Variants in ARHGAP21 observed in about 807,000 individuals in gnomAD.
The protein encoded by ARHGAP21 is rho GTPase-activating protein 21.
ARHGAP21 carries 38 observed loss-of-function variants against 164.6 expected under a neutral mutation model. That is an observed-to-expected ratio of 0.23 (90% CI 0.18 to 0.30). ARHGAP21 has a LOEUF of 0.30. Among genes scored for constraint, ARHGAP21 ranks in the 10% least tolerant of loss-of-function variants. The pLI is 1.00. For missense variants in ARHGAP21, 1,822 were observed against 2,370.7 expected (o/e 0.77, Z 4.81); for synonymous variants, 766 against 857.9 (o/e 0.89, Z 1.87).
intron 2 of ARHGAP21, among the ~76,000 whole-genome samples, chr10:24,708,128 A>G (rs1182790047): frequency 1.3e-5 from 2 of 152,216 alleles, no homozygotes; most frequent in African/African-American, 2.4e-5. Flanking sequence ...AAGGCTAAAT[A>G]TAAAGATCAA....
chr10:24,639,875 T>C (rs1260440555), intron 4 of ARHGAP21, among the ~76,000 whole-genome samples: 1 of 151,674 alleles, frequency 6.6e-6, no homozygotes, highest in Non-Finnish European at 1.5e-5. Flanking sequence ...CTAAATTATT[T>C]GAAATTTTTA....
intron 2 of ARHGAP21, among the ~76,000 whole-genome samples, chr10:24,688,269 G>A (rs770655564): frequency 2.0e-5 from 3 of 152,082 alleles, no homozygotes; most frequent in Non-Finnish European, 4.4e-5. Context: ...CGTGCCATCT[G>A]TAATCCCAGG....
chr10:24,591,104 TAGAA>T, intron 24 of ARHGAP21, 117 bp downstream of exon 24: 1 of 1,031,900 alleles, frequency 9.7e-7, no homozygotes, highest in Non-Finnish European at 1.4e-6. Context: ...TTTTTATTAG[TAGAA>T]AGGAAGAGAA....
chr10:24,596,300 TAA>T, intron 17 of ARHGAP21: 1 of 442,300 alleles, frequency 2.3e-6, no homozygotes, highest in Non-Finnish European at 3.9e-6. Flanking sequence ...TAACAACAGG[TAA>T]AGAGAATGTG....
intron 2 of ARHGAP21, among the ~76,000 whole-genome samples, chr10:24,704,483 T>A (rs2132159070): frequency 6.6e-6 from 1 of 151,488 alleles, no homozygotes; most frequent in Admixed American, 6.6e-5. Flanking sequence ...TTTTCTTTTT[T>A]GAGACAGAGT....
chr10:24,637,219 C>T (rs1034645919), intron 4 of ARHGAP21, among the ~76,000 whole-genome samples: 5 of 152,204 alleles, frequency 3.3e-5, no homozygotes, highest in Admixed American at 3.3e-4. Context: ...CTGCTGTATT[C>T]AAGTAGACAG....
chr10:24,722,537 T>C (rs1359133692), intron 1 of ARHGAP21: 1 of 154,120 alleles, frequency 6.5e-6, no homozygotes, highest in Non-Finnish European at 1.4e-5. Flanking sequence ...AAGTGCATTT[T>C]AATTCATGTC....
chr10:24,641,353 T>A (rs1352743506), intron 4 of ARHGAP21, among the ~76,000 whole-genome samples: 1 of 152,218 alleles, frequency 6.6e-6, no homozygotes, highest in East Asian at 1.9e-4. Flanking sequence ...TTATTAAATT[T>A]AGGTGTTCCC....
chr10:24,701,671 A>C (rs1268396291), intron 2 of ARHGAP21, among the ~76,000 whole-genome samples: 2 of 152,172 alleles, frequency 1.3e-5, no homozygotes, highest in Non-Finnish European at 2.9e-5. Context: ...AAGGAAGTAG[A>C]AACAGGGTAC....
chr10:24,717,704 G>T (rs1467216272), intron 2 of ARHGAP21, among the ~76,000 whole-genome samples: 1 of 152,148 alleles, frequency 6.6e-6, no homozygotes, highest in Admixed American at 6.5e-5. Context: ...AGACTTCACA[G>T]AGGTCTGAAT....
At chr10:24,591,353 T>C (rs1475248018) in intron 23 of ARHGAP21, 23 bp from the exon 24 acceptor site, 2 of 1,546,924 alleles carry the variant, frequency 1.3e-6, no homozygotes, top group Non-Finnish European at 1.8e-6. Context: ...AACAAAGATC[T>C]CTTCATCATC....
At chr10:24,590,838 C>T in intron 24 of ARHGAP21, 1 of 982,128 alleles carries the variant, frequency 1.0e-6, no homozygotes, top group Non-Finnish European at 1.2e-6. Flanking sequence ...ATAAGAACTA[C>T]TTATACAGCC....
At chr10:24,680,127 T>A (rs1841630797) in intron 2 of ARHGAP21, among the ~76,000 whole-genome samples, 1 of 152,242 alleles carries the variant, frequency 6.6e-6, no homozygotes, top group African/African-American at 2.4e-5. Flanking sequence ...TATCCAAGAT[T>A]GTGGCTGGTT....
At chr10:24,689,926 ATG>A (rs1842595307) in intron 2 of ARHGAP21, among the ~76,000 whole-genome samples, 1 of 37,152 alleles carries the variant, frequency 2.7e-5, no homozygotes, top group Non-Finnish European at 6.2e-5. Flanking sequence ...ATGTATATGT[ATG>A]TATATGTATA....
chr10:24,587,734 G>A (rs61854257), intron 25 of ARHGAP21, among the ~76,000 whole-genome samples: 80,739 of 152,040 alleles, frequency 0.53, 21,619 homozygotes, highest in Middle Eastern at 0.57. Flanking sequence ...AAACATCTCA[G>A]TTCCGTGGCG....
rs888868270 is a variant in ARHGAP21, at chr10:24,586,199, T to A, written c.4183-93A>T. 1.0e-5 allele frequency: 14 copies of A among 1,393,392 alleles called. No individual in the cohort carries two copies. The Admixed American group carries it at 2.7e-4, about 27-fold the overall frequency. 86.3% of individuals were successfully genotyped at this position (1,393,392 alleles called of 1,614,324 possible). On this transcript the variant is annotated intron_variant, in intron 25 of 25. Transcript: ENST00000396432. The stretch of plus-strand genomic sequence containing the variant: ...TGTCTCCCAAATATTTCTTATCAAA[T>A]TATATCTACTAAAGCTCTGGAAGCA...
In ARHGAP21 at chr10:24,621,121, T is replaced by C. The variant is rs142335031; in HGVS notation, c.774A>G (p.Ala258=). ...IQVPPSPTDV[A]KSNTAVCVCN... is the part of the protein sequence containing the mutation. Reference sequence around the variant, plus strand: ...AAACACACACTGCTGTGTTTGATTTTGCAACATCTGTTGGTGATGGAGGCA... The same window carrying C: ...AAACACACACTGCTGTGTTTGATTTCGCAACATCTGTTGGTGATGGAGGCA... The change falls in exon 9 of 26, where the codon GCA becomes GCG. Residue 258 remains alanine (A), a synonymous_variant. Coordinates refer to ENST00000396432, the MANE Select transcript of ARHGAP21 (RefSeq NM_020824.4). 18 of 1,613,652 alleles carry C rather than the reference T, an allele frequency of 1.1e-5. No homozygotes were observed. The highest frequency in any genetic ancestry group is 1.3e-5 in the African/African-American group (1 of 74,906).
chr10:24,707,177 T>A (rs1241671904), intron 2 of ARHGAP21, among the ~76,000 whole-genome samples: 1 of 152,226 alleles, frequency 6.6e-6, no homozygotes, highest in Non-Finnish European at 1.5e-5. Context: ...CAAAAGGCAA[T>A]GTAGCAATGT....
rs772514667 is a variant in ARHGAP21 at position 24,667,000 on chromosome 10, T to C, written c.253A>G (p.Asn85Asp). 7.0e-7 allele frequency: 1 copy of C among 1,419,922 alleles called. No individual in the cohort carries two copies. The highest frequency in any genetic ancestry group is 9.7e-7 in the Non-Finnish European group (1 of 1,034,096). 88.0% of individuals were successfully genotyped at this position (1,419,922 alleles called of 1,614,324 possible). The change falls in exon 4 of 26, where the codon AAT becomes GAT. Residue 85 changes from asparagine (N) to aspartate (D), a missense_variant. By Grantham distance (23) the Asn-to-Asp change is conservative. This residue lies in a region of ARHGAP21 where 1,090 missense variants were observed against 1,378.9 expected (regional missense o/e 0.79). Transcript: ENST00000396432. The part of the protein sequence containing the change: ...AIQFSYKDEE[N>D]GNRGGKQRNR... ...TATAGCATACCTCCTCTGTTTCCAT[T>C]TTCTTCATCCTACAAATGAAAATAT...
Sources: allele counts gnomAD v4.1 joint callset (sites outside exome capture counted in the v4.1 genomes callset), GRCh38; gene constraint gnomAD v4.1.1; regional missense constraint gnomAD v4.1.1; transcripts MANE v1.5; gene names NCBI Gene and HGNC (gene_info 2026-07-23, HGNC 2026-07-21).